SPACA9: variants seen among roughly 807,000 people sequenced by gnomAD.
SPACA9 encodes the protein sperm acrosome associated 9, also known as sperm acrosome-associated protein 9.
Under a neutral mutation model 12.5 loss-of-function variants are expected in SPACA9, and 14 were observed. The ratio of observed to expected loss-of-function variants is 1.12; its 90% CI spans 0.74 to 1.75. The LOEUF (loss-of-function observed/expected upper bound fraction) is 1.75, where lower values mean the gene tolerates loss of function less well. Ranked by LOEUF, SPACA9 falls within the 40% of genes most tolerant of loss-of-function variation. The probability of loss-of-function intolerance (pLI) is 0.00; values close to 1 mark genes in which losing one functional copy is unlikely to be tolerated. For synonymous variants in SPACA9, 111 were observed against 114.1 expected (o/e 0.97, Z 0.17); for missense variants, 292 against 291.9 (o/e 1.00, Z 0.00).
downstream of SPACA9, chr9:132,890,085 C>T: frequency 8.4e-7 from 1 of 1,183,940 alleles, no homozygotes; most frequent in South Asian, 2.5e-5. Flanking sequence ...CCTACATCTC[C>T]CCTAAGACAT....
intron 1 of SPACA9, among the ~76,000 whole-genome samples, chr9:132,880,753 G>T (rs1844393333): frequency 6.6e-6 from 1 of 151,790 alleles, no homozygotes; most frequent in African/African-American, 2.4e-5. Flanking sequence ...AAAAATTTAA[G>T]TAAAGGTAGG....
At position 132,887,138 on chromosome 9, in the gene SPACA9, TATCCATCCATCC is replaced by T. The variant is rs59019466; in HGVS notation, c.145-199_145-188del. Among the ~76,000 whole-genome samples, 33 of 149,110 alleles carry T rather than the reference TATCCATCCATCC, an allele frequency of 2.2e-4. No individual in the cohort carries two copies. The highest frequency in any genetic ancestry group is 9.4e-4 in the Admixed American group (14 of 14,862). On this transcript the variant is annotated intron_variant, in intron 2 of 3. Transcript: ENST00000356311. The surrounding 1 kb of genome is among the most constrained non-coding windows in gnomAD (Gnocchi z 5.4). ...CGATCCATTAATTTCATATCATATC[TATCCATCCATCC>T]ATCCATCCATCCATCCATCCATCCA...
intron 1 of SPACA9, among the ~76,000 whole-genome samples, chr9:132,880,733 A>G (rs905356382): frequency 3.3e-5 from 5 of 152,200 alleles, no homozygotes; most frequent in Non-Finnish European, 7.3e-5. Flanking sequence ...TCCATTTAGA[A>G]TAACATGTCA....
chr9:132,880,905 C>T (rs1335613198), intron 1 of SPACA9, among the ~76,000 whole-genome samples: 1 of 150,802 alleles, frequency 6.6e-6, no homozygotes, highest in Non-Finnish European at 1.5e-5. Context: ...TCACTGCAAG[C>T]TCCGCCTCCC....
Position 132,888,241 on chromosome 9 carries a change from TG to T in SPACA9, c.348-47del. ...GGTGTGGCAGCTGCTTGCCACGGCA[TG>T]GCAAGTCCCGGGAGCATGGGTTCAC... On this transcript the variant is annotated intron_variant, in intron 3 of 3. Coordinates refer to ENST00000356311, the MANE Select transcript of SPACA9 (RefSeq NM_001316897.2). This position sits in a 1 kb window ranked among gnomAD's most constrained non-coding sequence, Gnocchi z 5.0. The T allele has an allele frequency of 1.3e-6, 2 of 1,555,460 alleles. No individual in the cohort carries two copies. The highest frequency in any genetic ancestry group is 1.7e-6 in the Non-Finnish European group (2 of 1,149,310).
intron 2 of SPACA9, among the ~76,000 whole-genome samples, chr9:132,884,986 A>C (rs552451445): frequency 6.6e-6 from 1 of 151,966 alleles, no homozygotes; most frequent in Non-Finnish European, 1.5e-5. Flanking sequence ...GGTGGTGCGC[A>C]TCTGTAATCC....
intron 1 of SPACA9, among the ~76,000 whole-genome samples, chr9:132,880,586 G>A (rs1248801550): frequency 6.6e-6 from 1 of 152,148 alleles, no homozygotes. Flanking sequence ...TAAGCCCTGG[G>A]CCAACATTAG....
At chr9:132,882,462 CTT>C (rs60513113) in intron 1 of SPACA9, among the ~76,000 whole-genome samples, 1,543 of 123,464 alleles carry the variant, frequency 0.012, 13 homozygotes, top group African/African-American at 0.035. Context: ...TACCCTGCCT[CTT>C]TTTTTTTTTT....
In SPACA9 at chr9:132,889,122, A is replaced by T. The variant is rs1220900397; in HGVS notation, c.*511A>T. On this transcript the variant is annotated 3_prime_UTR_variant, in exon 4 of 4. Transcript: ENST00000356311. ...CTTCTAAGCATCAGGCTCCGTGCTG[A>T]TGAAGAGGAAACCCACTTACAGAAG... The T allele has an allele frequency of 2.0e-6, 2 of 990,972 alleles. No individual in the cohort carries two copies. The highest frequency in any genetic ancestry group is 3.5e-5 in the African/African-American group (2 of 57,266). 61.4% of individuals were successfully genotyped at this position (990,972 alleles called of 1,614,324 possible). A position where few individuals can be genotyped will look rare whatever the true frequency, so the allele number is the denominator to read the frequency against.
At chr9:132,882,076 T>A (rs1844442199) in intron 1 of SPACA9, among the ~76,000 whole-genome samples, 2 of 152,108 alleles carry the variant, frequency 1.3e-5, no homozygotes, top group Non-Finnish European at 2.9e-5. Context: ...CCATAGGAGG[T>A]TGAGCTGGAA....
chr9:132,882,123 C>T (rs1844443643), intron 1 of SPACA9, among the ~76,000 whole-genome samples: 1 of 152,166 alleles, frequency 6.6e-6, no homozygotes, highest in African/African-American at 2.4e-5. Context: ...CCCAGGCCCA[C>T]CCCCAGGGCA....
Position 132,888,881 on chromosome 9 carries a change from C to T in SPACA9, c.*270C>T. ...CTCCCAGGTTCACGCCATTCTCCTGCCTCAGCCTCCCAAGTAGCTGGGACT... is the reference window on the plus strand; with the variant it reads ...CTCCCAGGTTCACGCCATTCTCCTGTCTCAGCCTCCCAAGTAGCTGGGACT... On this transcript the variant is annotated 3_prime_UTR_variant, in exon 4 of 4. Coordinates refer to ENST00000356311, the MANE Select transcript of SPACA9 (RefSeq NM_001316897.2). The surrounding 1 kb of genome is among the most constrained non-coding windows in gnomAD (Gnocchi z 5.0). 8.3e-6 allele frequency: 6 copies of T among 722,508 alleles called. No individual in the cohort carries two copies. The highest frequency in any genetic ancestry group is 1.1e-5 in the Non-Finnish European group (6 of 528,266). The allele number at this position is 722,508 out of a possible 1,614,324, so 44.8% of individuals were successfully genotyped here.
rs995578647 is a variant in SPACA9 at position 132,889,255 on chromosome 9, G to A, written c.*644G>A. On this transcript the variant is annotated 3_prime_UTR_variant, in exon 4 of 4. Coordinates refer to ENST00000356311, the MANE Select transcript of SPACA9 (RefSeq NM_001316897.2). ...CCAGTGCCACGCCTGTCCCTGCTGC[G>A]GGCTGCAGTTTTGCAGAGGGTGATC... is the stretch of plus-strand genomic sequence containing the variant. 1.1e-5 allele frequency: 11 copies of A among 985,966 alleles called. No individual in the cohort carries two copies. The highest frequency in any genetic ancestry group is 1.7e-5 in the African/African-American group (1 of 57,222). 61.1% of individuals were successfully genotyped at this position (985,966 alleles called of 1,614,324 possible). A position where few individuals can be genotyped will look rare whatever the true frequency, so the allele number is the denominator to read the frequency against.
At chr9:132,885,681 C>T (rs1029352019) in intron 2 of SPACA9, among the ~76,000 whole-genome samples, 11 of 152,122 alleles carry the variant, frequency 7.2e-5, no homozygotes, top group South Asian at 2.1e-4. Context: ...ACCTGGACTT[C>T]GGGGGAAAAA....
chr9:132,884,146 A>C, intron 2 of SPACA9, 55 bp downstream of exon 2: 2 of 1,583,176 alleles, frequency 1.3e-6, no homozygotes, highest in Non-Finnish European at 1.7e-6. Flanking sequence ...GTCCCCTCTC[A>C]CAAAAGATGA....
rs767439490 is a variant in SPACA9 at position 132,887,399 on chromosome 9, A to G, written c.175A>G (p.Ser59Gly). The G allele has an allele frequency of 2.0e-5, 32 of 1,613,246 alleles. No individual in the cohort carries two copies. The East Asian group carries it at 6.7e-4, about 34-fold the overall frequency. The change falls in exon 3 of 4, where the codon AGC (serine) becomes GGC (glycine). Residue 59 changes from serine (S) to glycine (G), a missense_variant. By Grantham distance (56) the Ser-to-Gly change is moderately conservative. Transcript: ENST00000356311. This position sits in a 1 kb window ranked among gnomAD's most constrained non-coding sequence, Gnocchi z 5.4. ...GAGCTACATGGAACACTACTGCAAC[A>G]GCTCCACAGACCGGCGGGTTCTGCT... The part of the protein sequence containing the change: ...VQSYMEHYCN[S>G]STDRRVLLMF...
chr9:132,878,875 C>T, upstream of SPACA9: 3 of 727,564 alleles, frequency 4.1e-6, no homozygotes, highest in Non-Finnish European at 5.0e-6. The surrounding 1 kb of genome is among the most constrained non-coding windows in gnomAD (Gnocchi z 4.7). Context: ...CCCGCCCCTT[C>T]TCGCCCGACG....
chr9:132,888,389 A>T lies in SPACA9; in HGVS notation c.447A>T (p.Lys149Asn), dbSNP rs779143821. The T allele has an allele frequency of 1.3e-5, 21 of 1,614,056 alleles. No homozygotes were observed. The highest frequency in any genetic ancestry group is 1.8e-5 in the Non-Finnish European group (21 of 1,180,024). Residue 149 changes from lysine to asparagine, a missense_variant, in exon 4 of 4, where the codon AAA becomes AAT. Transcript: ENST00000356311. This position sits in a 1 kb window ranked among gnomAD's most constrained non-coding sequence, Gnocchi z 5.0. ...TCCCCCTCATCCTAGACTTAATGAA[A>T]GAATGGATCGCCCACTCCGAGAAGT... is the stretch of plus-strand genomic sequence containing the variant. ...SLIPLILDLM[K>N]EWIAHSEKLP...
chr9:132,881,892 C>T (rs1011014623), intron 1 of SPACA9, among the ~76,000 whole-genome samples: 2 of 152,202 alleles, frequency 1.3e-5, no homozygotes, highest in African/African-American at 2.4e-5. Context: ...CAAGTGTCTC[C>T]CTCACCTCAC....
Sources: allele counts gnomAD v4.1 joint callset (sites outside exome capture counted in the v4.1 genomes callset), GRCh38; gene constraint gnomAD v4.1.1; non-coding constraint Gnocchi (gnomAD v3.1); transcripts MANE v1.5; gene names NCBI Gene and HGNC (gene_info 2026-07-23, HGNC 2026-07-21).